SBK3: variants seen among roughly 807,000 people sequenced by gnomAD.
The protein encoded by SBK3 is uncharacterized serine/threonine-protein kinase SBK3.
Under a neutral mutation model 12.7 loss-of-function variants are expected in SBK3, and 16 were observed. The ratio of observed to expected loss-of-function variants is 1.26; its 90% confidence interval spans 0.86 to 1.92. SBK3 has a LOEUF of 1.92. Ranked by LOEUF, SBK3 falls within the 40% of genes most tolerant of loss-of-function variation. The probability of loss-of-function intolerance (pLI) is 0.00; values close to 1 mark genes in which losing one functional copy is unlikely to be tolerated. For synonymous variants in SBK3, 217 were observed against 213.6 expected (o/e 1.02, Z -0.14); for missense variants, 462 against 481.8 (o/e 0.96, Z 0.38).
intron 3 of SBK3, among the ~76,000 whole-genome samples, chr19:55,542,730 A>G (rs905233225): frequency 9.5e-5 from 12 of 125,750 alleles, no homozygotes; most frequent in African/African-American, 1.3e-4. Context: ...CTACCCATCC[A>G]CTCATCCATC....
intron 3 of SBK3, 53 bp downstream of exon 3, chr19:55,544,047 A>T (rs1331952776): frequency 2.2e-6 from 3 of 1,390,858 alleles, no homozygotes; most frequent in East Asian, 2.6e-5. Flanking sequence ...GGGGCTTGGG[A>T]CAGAGTTGGA....
In SBK3 at chr19:55,541,376, G is replaced by T; in HGVS notation, c.550C>A (p.Leu184Met). 1 of 1,535,738 alleles carries T rather than the reference G, an allele frequency of 6.5e-7. No individual in the cohort carries two copies. The highest frequency in any genetic ancestry group is 8.7e-7 in the Non-Finnish European group (1 of 1,146,768). Residue 184 changes from leucine to methionine, a missense_variant, in exon 4 of 4, where the codon CTG (leucine) becomes ATG (methionine). Leu to Met is a conservative substitution (Grantham distance 15). Coordinates refer to ENST00000612221, the MANE Select transcript of SBK3 (RefSeq NM_001199824.2). The surrounding 1 kb of genome is among the most constrained non-coding windows in gnomAD (Gnocchi z 5.3). ...PVCSRVALGD[L>M]GLTRPEGSPT... ...CTGCCCTCTGGCCGGGTCAGACCCA[G>T]GTCTCCCAGGGCCACACGGCTGCAG...
In SBK3 at chr19:55,541,652, T is replaced by A. The variant is rs1475968896; in HGVS notation, c.400-126A>T. On this transcript the variant is annotated intron_variant, in intron 3 of 3. Transcript: ENST00000612221. This position sits in a 1 kb window ranked among gnomAD's most constrained non-coding sequence, Gnocchi z 5.3. ...GCCTTGGCCTCCCAAAGTGCTGGGATTATAGGCATGAGGCACTGCACCAGT... is the reference window on the plus strand; with the variant it reads ...GCCTTGGCCTCCCAAAGTGCTGGGAATATAGGCATGAGGCACTGCACCAGT... 1 of 715,412 alleles carries A rather than the reference T, an allele frequency of 1.4e-6. No homozygotes were observed. Among genetic ancestry groups the A allele is most frequent in the East Asian group, 2.8e-5 (1 of 36,158 alleles). 44.3% of individuals were successfully genotyped at this position (715,412 alleles called of 1,614,324 possible).
chr19:55,542,467 TCATC>T (rs113583456), intron 3 of SBK3, among the ~76,000 whole-genome samples: 19,531 of 135,538 alleles, frequency 0.14, 1,587 homozygotes, highest in East Asian at 0.27. Context: ...ACCAAACCTT[TCATC>T]CATCCATCCA....
At chr19:55,542,181 T>C (rs1988568667) in intron 3 of SBK3, among the ~76,000 whole-genome samples, 1 of 152,202 alleles carries the variant, frequency 6.6e-6, no homozygotes, top group Non-Finnish European at 1.5e-5. Context: ...CAGCAATTCA[T>C]CCATGAAGCC....
chr19:55,541,332 T>C lies in SBK3; in HGVS notation c.594A>G (p.Pro198=), dbSNP rs1988557339. ...CAGGCGGTGCCGTGGGCAGAGGCAC[T>C]GGTGGGGCGGGGGTCGGGCTGCCCT... ...RPEGSPTPAP[P]VPLPTAPPEL... The change falls in exon 4 of 4, where the codon CCA becomes CCG. Residue 198 remains proline (P), a synonymous_variant. Coordinates refer to ENST00000612221, the MANE Select transcript of SBK3 (RefSeq NM_001199824.2). The surrounding 1 kb of genome is among the most constrained non-coding windows in gnomAD (Gnocchi z 5.3). The C allele has an allele frequency of 6.5e-7, 1 of 1,535,158 alleles. No individual in the cohort carries two copies. Among genetic ancestry groups the C allele is most frequent in the Non-Finnish European group, 8.7e-7 (1 of 1,146,434 alleles).
Position 55,544,282 on chromosome 19 carries a change from G to C in SBK3, c.217C>G (p.Leu73Val), listed in dbSNP as rs1433730846. ...HQGGPAVALK[L>V]LRRDLVLRST... ...CTCAGGACCAAATCCCGACGCAGGA[G>C]CTTCAGAGCCACAGCTGGACCTGCC... Residue 73 changes from leucine (L) to valine (V), a missense_variant, in exon 3 of 4, where the codon CTC (leucine) becomes GTC (valine). Coordinates refer to ENST00000612221, the MANE Select transcript of SBK3 (RefSeq NM_001199824.2). 1 of 1,535,888 alleles carries C rather than the reference G, an allele frequency of 6.5e-7. No individual in the cohort carries two copies. The highest frequency in any genetic ancestry group is 2.0e-5 in the Admixed American group (1 of 50,970).
rs899027351 is a variant in SBK3 at position 55,544,962 on chromosome 19, G to A, written c.46-13C>T. On this transcript the variant is annotated splice_polypyrimidine_tract_variant and intron_variant, in intron 1 of 3. Transcript: ENST00000612221. Reference sequence around the variant, plus strand: ...TGGCTGTGTCCTCCTACGGGAGAGGGGCAGGGTGAGGAGGGGGCGCGTCTG... The same window carrying A: ...TGGCTGTGTCCTCCTACGGGAGAGGAGCAGGGTGAGGAGGGGGCGCGTCTG... The A allele has an allele frequency of 2.0e-6, 3 of 1,521,678 alleles. No individual in the cohort carries two copies. The African/African-American group carries it at 4.1e-5, about 21-fold the overall frequency. 94.3% of individuals were successfully genotyped at this position (1,521,678 alleles called of 1,614,324 possible). A position where few individuals can be genotyped will look rare whatever the true frequency, so the allele number is the denominator to read the frequency against.
At position 55,541,502 on chromosome 19, in the gene SBK3, G is replaced by A. The variant is rs1434264140; in HGVS notation, c.424C>T (p.Arg142Trp). Residue 142 changes from arginine to tryptophan, a missense_variant, in exon 4 of 4, where the codon CGG becomes TGG. Coordinates refer to ENST00000612221, the MANE Select transcript of SBK3 (RefSeq NM_001199824.2). This position sits in a 1 kb window ranked among gnomAD's most constrained non-coding sequence, Gnocchi z 5.3. ...ERGLPELLVKRVVAQLAGALD... is the reference protein window; with the variant it reads ...ERGLPELLVKWVVAQLAGALD... ...GCTCCTGCCAACTGGGCCACCACCC[G>A]CTTCACCAGCAGTTCTGGGAGGCCC... 4.6e-6 allele frequency: 7 copies of A among 1,521,784 alleles called. No individual in the cohort carries two copies. Among genetic ancestry groups the A allele is most frequent in the South Asian group, 2.4e-5 (2 of 82,744 alleles). 94.3% of individuals were successfully genotyped at this position (1,521,784 alleles called of 1,614,324 possible). A position where few individuals can be genotyped will look rare whatever the true frequency, so the allele number is the denominator to read the frequency against.
Position 55,544,902 on chromosome 19 carries a change from G to C in SBK3, c.93C>G (p.Ser31Arg). ...ALQRLVELTT[S>R]RVTPVRSLRD... ...GAAGGCTCCTCACCGGGGTCACCCT[G>C]CTGGTCGTCAGCTCCACCAGCCGTT... Residue 31 changes from serine to arginine, a missense_variant, in exon 2 of 4, where the codon AGC (serine) becomes AGG (arginine). Transcript: ENST00000612221. The C allele has an allele frequency of 6.5e-7, 1 of 1,534,406 alleles. No individual in the cohort carries two copies. The highest frequency in any genetic ancestry group is 1.2e-5 in the South Asian group (1 of 83,990).
rs901991977 is a variant in SBK3, at chr19:55,541,364, G to A, written c.562C>T (p.Arg188Trp). 143 of 1,535,478 alleles carry A rather than the reference G, an allele frequency of 9.3e-5. No homozygotes were observed. Among genetic ancestry groups the A allele is most frequent in the Non-Finnish European group, 1.1e-4 (129 of 1,146,656 alleles). ...RVALGDLGLTRPEGSPTPAPP... is the reference protein window; with the variant it reads ...RVALGDLGLTWPEGSPTPAPP... The stretch of plus-strand genomic sequence containing the variant: ...GCGGGGGTCGGGCTGCCCTCTGGCC[G>A]GGTCAGACCCAGGTCTCCCAGGGCC... The change falls in exon 4 of 4, where the codon CGG becomes TGG. Residue 188 changes from arginine (R) to tryptophan (W), a missense_variant. Arg to Trp is a moderately radical substitution (Grantham distance 101). Transcript: ENST00000612221. This position sits in a 1 kb window ranked among gnomAD's most constrained non-coding sequence, Gnocchi z 5.3.
At chr19:55,542,010 C>T (rs965326457) in intron 3 of SBK3, among the ~76,000 whole-genome samples, 15 of 152,208 alleles carry the variant, frequency 9.9e-5, no homozygotes, top group Non-Finnish European at 1.8e-4. Context: ...TGTAAACTGA[C>T]CATCCAGATC....
intron 3 of SBK3, among the ~76,000 whole-genome samples, chr19:55,542,081 A>T (rs969476947): frequency 2.0e-5 from 3 of 152,134 alleles, no homozygotes; most frequent in Non-Finnish European, 4.4e-5. Flanking sequence ...ATGAGTCTAG[A>T]CCCCATCTCT....
chr19:55,544,566 G>T (rs775901899), intron 2 of SBK3, among the ~76,000 whole-genome samples: 8 of 152,084 alleles, frequency 5.3e-5, no homozygotes, highest in Non-Finnish European at 1.2e-4. Context: ...TGGTGACTTG[G>T]GTTCCAACTT....
chr19:55,543,520 C>T (rs1988609234), intron 3 of SBK3, among the ~76,000 whole-genome samples: 1 of 151,778 alleles, frequency 6.6e-6, no homozygotes, highest in Non-Finnish European at 1.5e-5. Context: ...TTATCCCTAA[C>T]TTTATCTCAA....
chr19:55,541,121 G>A lies in SBK3; in HGVS notation c.805C>T (p.Pro269Ser), dbSNP rs1358186972. ...GGCGCAAACTGGTCCCAGGGTGGTG[G>A]TGGCTGAGGTGGCTGAGGCTTGGTG... Reference protein sequence around the residue: ...VTTKPQPPQPPPPWDQFAPPA... With the variant: ...VTTKPQPPQPSPPWDQFAPPA... Residue 269 changes from proline (P) to serine (S), a missense_variant, in exon 4 of 4, where the codon CCA (proline) becomes TCA (serine). Physicochemically the swap from Pro to Ser is moderately conservative, Grantham distance 74. Transcript: ENST00000612221. This position sits in a 1 kb window ranked among gnomAD's most constrained non-coding sequence, Gnocchi z 5.3. 2.0e-6 allele frequency: 3 copies of A among 1,535,384 alleles called. No homozygotes were observed. The highest frequency in any genetic ancestry group is 2.6e-6 in the Non-Finnish European group (3 of 1,146,634).
Position 55,544,120 on chromosome 19 carries a change from T to C in SBK3, c.379A>G (p.Ser127Gly). Residue 127 changes from serine to glycine, a missense_variant, in exon 3 of 4, where the codon AGC becomes GGC. By Grantham distance (56) the Ser-to-Gly change is moderately conservative. Transcript: ENST00000612221. ...AQEYAPCGDL[S>G]GMLQERGLPE... ...CTCACCCTTTCCTGCAGCATCCCGC[T>C]GAGGTCCCCACAGGGCGCGTACTCC... 1 of 1,515,298 alleles carries C rather than the reference T, an allele frequency of 6.6e-7. No individual in the cohort carries two copies. The highest frequency in any genetic ancestry group is 1.2e-5 in the South Asian group (1 of 81,246). The allele number at this position is 1,515,298 out of a possible 1,614,324, so 93.9% of individuals were successfully genotyped here.
chr19:55,542,815 T>TCCAC (rs1988586578), intron 3 of SBK3, among the ~76,000 whole-genome samples: 1 of 126,760 alleles, frequency 7.9e-6, no homozygotes, highest in Non-Finnish European at 1.6e-5. Flanking sequence ...CTTCTATCGA[T>TCCAC]CCATCCATCC....
chr19:55,544,330 C>T (rs1256212848), intron 2 of SBK3, 28 bp from the exon 3 acceptor site: 1 of 1,516,400 alleles, frequency 6.6e-7, no homozygotes, highest in Non-Finnish European at 8.8e-7. Context: ...CGGAGGGACA[C>T]TCAGGCGGCT....
Sources: gnomAD v4.1 joint callset for allele counts (sites outside exome capture counted in the v4.1 genomes callset) on GRCh38, gnomAD v4.1.1 for gene constraint, Gnocchi (gnomAD v3.1) non-coding constraint, MANE v1.5 for transcripts, NCBI Gene and HGNC (gene_info 2026-07-23, HGNC 2026-07-21) for gene names.